Variants in DSCAML1 observed in about 807,000 individuals in gnomAD.
DSCAML1 encodes cell adhesion molecule DSCAML1.
Under a neutral mutation model 200.5 loss-of-function variants are expected in DSCAML1, and 38 were observed. The observed-to-expected ratio is 0.19, with a 90% CI of 0.15 to 0.25. DSCAML1 has a LOEUF of 0.25. Among genes scored for constraint, DSCAML1 ranks in the 10% least tolerant of loss-of-function variants. DSCAML1 has a pLI of 1.00. For synonymous variants in DSCAML1, 1,215 were observed against 1,165.0 expected, an observed-to-expected ratio of 1.04 and a Z score of -0.87; for missense variants, 2,223 against 2,858.8, an observed-to-expected ratio of 0.78 and a Z score of 5.07.
rs201966813 is a variant in DSCAML1, at chr11:117,439,440, C to T, written c.3981-11G>A. 70 of 1,609,496 alleles carry T rather than the reference C, an allele frequency of 4.3e-5. No homozygotes were observed. In the East Asian group the frequency reaches 8.7e-4, roughly 20 times the overall value. ...ATGGCCGAGTCTTCACTGCCAGGGG[C>T]GAGGATGGGGCGGGTGGGTCATGTC... On this transcript the variant is annotated splice_polypyrimidine_tract_variant and intron_variant, in intron 22 of 32. Transcript: ENST00000651296.
chr11:117,719,759 A>G (rs1273984229), intron 3 of DSCAML1, among the ~76,000 whole-genome samples: 1 of 152,222 alleles, frequency 6.6e-6, no homozygotes, highest in African/African-American at 2.4e-5. Flanking sequence ...TAATTCCACA[A>G]TCTCGTGTCT....
At chr11:117,679,248 G>A (rs116672969) in intron 3 of DSCAML1, among the ~76,000 whole-genome samples, 3,211 of 152,266 alleles carry the variant, frequency 0.021, 35 homozygotes, top group Middle Eastern at 0.058. Flanking sequence ...GAGCCTCTCT[G>A]CCCTAGAGGC....
chr11:117,720,714 C>T (rs1422120173), intron 3 of DSCAML1, among the ~76,000 whole-genome samples: 1 of 152,220 alleles, frequency 6.6e-6, no homozygotes, highest in African/African-American at 2.4e-5. Context: ...TTCCAGTTTC[C>T]TCATCTGTAA....
At chr11:117,659,252 C>T (rs1489091963) in intron 3 of DSCAML1, among the ~76,000 whole-genome samples, 1 of 152,222 alleles carries the variant, frequency 6.6e-6, no homozygotes, top group Non-Finnish European at 1.5e-5. Context: ...AGCTCCCTGG[C>T]TGTGACAATC....
At chr11:117,577,505 CCCTCCTTCCT>C (rs1565801827) in intron 3 of DSCAML1, among the ~76,000 whole-genome samples, 13 of 29,690 alleles carry the variant, frequency 4.4e-4, no homozygotes, top group Non-Finnish European at 5.5e-4. Context: ...TTCCTTCCTT[CCCTCCTTCCT>C]TCCTTCCTTC....
intron 3 of DSCAML1, among the ~76,000 whole-genome samples, chr11:117,622,000 G>A (rs1344226718): frequency 1.3e-5 from 2 of 152,132 alleles, no homozygotes; most frequent in Non-Finnish European, 2.9e-5. Context: ...TATTACTATA[G>A]CAAGCACACT....
In DSCAML1 at chr11:117,432,347, C is replaced by A. The variant is rs545473375; in HGVS notation, c.5179+5G>T. ...AAGGGCTGTCTCCCTGGGGATAATG[C>A]GTACTGGTTCCTGGCCGGATGTCAG... is the stretch of plus-strand genomic sequence containing the variant. On this transcript the variant is annotated splice_donor_5th_base_variant and intron_variant, in intron 30 of 32. Transcript: ENST00000651296. The A allele has an allele frequency of 8.7e-6, 14 of 1,611,796 alleles. No homozygotes were observed. Among genetic ancestry groups the A allele is most frequent in the East Asian group, 2.2e-5 (1 of 44,850 alleles).
At chr11:117,564,327 A>G (rs1203736516) in intron 3 of DSCAML1, among the ~76,000 whole-genome samples, 1 of 152,012 alleles carries the variant, frequency 6.6e-6, no homozygotes, top group Non-Finnish European at 1.5e-5. Context: ...GTGCAGAGAC[A>G]CTCTTCTTTG....
intron 3 of DSCAML1, among the ~76,000 whole-genome samples, chr11:117,545,235 ACACACACACACAC>A (rs1228292022): frequency 1.9e-4 from 25 of 133,290 alleles, no homozygotes; most frequent in African/African-American, 7.1e-4. Context: ...GTAAAAAAAA[ACACACACACACAC>A]ACACACACAC....
At chr11:117,768,354 T>C (rs1591488330) in intron 3 of DSCAML1, among the ~76,000 whole-genome samples, 1 of 152,204 alleles carries the variant, frequency 6.6e-6, no homozygotes, top group African/African-American at 2.4e-5. Flanking sequence ...ATGATGGTGG[T>C]GATCCATCTT....
chr11:117,659,886 A>AT (rs34873576), intron 3 of DSCAML1, among the ~76,000 whole-genome samples: 1 of 151,318 alleles, frequency 6.6e-6, no homozygotes, highest in Non-Finnish European at 1.5e-5. Flanking sequence ...GCCTAGCTAA[A>AT]TTTTTTTTTG....
At chr11:117,612,934 C>T (rs960301740) in intron 3 of DSCAML1, among the ~76,000 whole-genome samples, 1 of 152,132 alleles carries the variant, frequency 6.6e-6, no homozygotes. Context: ...GGCTTTGTGA[C>T]CTTGGGCAAG....
Position 117,803,564 on chromosome 11 carries a change from G to A in DSCAML1, c.-250+13826C>T, listed in dbSNP as rs1179714020. Among the ~76,000 whole-genome samples the A allele has an allele frequency of 4.0e-5, 6 of 151,772 alleles. No individual in the cohort carries two copies. The South Asian group carries it at 8.3e-4, about 21-fold the overall frequency. On this transcript the variant is annotated intron_variant, in intron 1 of 2. Coordinates refer to the DSCAML1 transcript ENST00000525836. ...TATCTAATTTTGTATTCATAATTGT[G>A]TATTGTTTTCCTTAGTGAGGCCTAA... is the stretch of plus-strand genomic sequence containing the variant.
At chr11:117,754,856 C>T (rs1039282156) in intron 3 of DSCAML1, among the ~76,000 whole-genome samples, 3 of 152,118 alleles carry the variant, frequency 2.0e-5, no homozygotes, top group Non-Finnish European at 4.4e-5. Flanking sequence ...TGCCTACCTG[C>T]CTTCTGTGTG....
chr11:117,645,891 AAAGTAT>A (rs1286954827), intron 3 of DSCAML1, among the ~76,000 whole-genome samples: 1 of 152,118 alleles, frequency 6.6e-6, no homozygotes, highest in Non-Finnish European at 1.5e-5. Flanking sequence ...CCTAAAACTT[AAAGTAT>A]AATAATAAAT....
intron 1 of DSCAML1, among the ~76,000 whole-genome samples, chr11:117,787,755 T>C (rs1248136851): frequency 6.6e-6 from 1 of 152,222 alleles, no homozygotes; most frequent in Non-Finnish European, 1.5e-5. Context: ...CAACAGAGCA[T>C]TGCAGTAGCC....
chr11:117,565,821 G>A (rs1003287827), intron 3 of DSCAML1, among the ~76,000 whole-genome samples: 2 of 152,200 alleles, frequency 1.3e-5, no homozygotes, highest in Non-Finnish European at 2.9e-5. Context: ...GCTTGATGGC[G>A]GCGGAAGACT....
intron 3 of DSCAML1, among the ~76,000 whole-genome samples, chr11:117,534,369 T>C (rs530814972): frequency 6.6e-6 from 1 of 152,186 alleles, no homozygotes; most frequent in African/African-American, 2.4e-5. Flanking sequence ...CGTTTGAATA[T>C]CTCTGGGGCT....
intron 1 of DSCAML1, among the ~76,000 whole-genome samples, chr11:117,792,612 G>T (rs1241615999): frequency 6.6e-6 from 1 of 151,970 alleles, no homozygotes; most frequent in Non-Finnish European, 1.5e-5. Context: ...AACCAGGAGG[G>T]TGAAAGAGCA....
Sources: gnomAD v4.1 joint callset for allele counts (sites outside exome capture counted in the v4.1 genomes callset) on GRCh38, gnomAD v4.1.1 for gene constraint, MANE v1.5 for transcripts, NCBI Gene and HGNC (gene_info 2026-07-23, HGNC 2026-07-21) for gene names.